The following HHEX variants were observed in gnomAD, a reference collection of about 807,000 sequenced individuals.
The protein encoded by HHEX is hematopoietically expressed homeobox, also known as hematopoietically-expressed homeobox protein HHEX.
In HHEX, 8 loss-of-function variants were observed where a neutral mutation model predicts 27.0. The ratio of observed to expected loss-of-function variants is 0.30; its 90% confidence interval spans 0.17 to 0.54. The LOEUF (loss-of-function observed/expected upper bound fraction) is 0.54. Ranked by LOEUF, HHEX falls within the 20% of genes least tolerant of loss-of-function variation. HHEX has a pLI of 0.95. For missense variants in HHEX, 326 were observed against 357.2 expected (o/e 0.91, Z 0.70); for synonymous variants, 164 against 161.5 (o/e 1.02, Z -0.12).
intron 3 of HHEX, among the ~76,000 whole-genome samples, chr10:92,693,700 A>G (rs1211969153): frequency 1.5e-5 from 2 of 136,930 alleles, no homozygotes; most frequent in African/African-American, 5.5e-5. Flanking sequence ...GACCGTGTGC[A>G]TCTATTTGTT....
At position 92,692,734 on chromosome 10, in the gene HHEX, A is replaced by G; in HGVS notation, c.573A>G (p.Lys191=). ...CCTGGTTTCAGAATCGACGCGCTAA[A>G]TGGAGGAGACTAAAACAGGTATGGA... The part of the protein sequence containing the change: ...VKTWFQNRRA[K]WRRLKQENPQ... Residue 191 remains lysine, a synonymous_variant, in exon 3 of 4, where the codon AAA becomes AAG. Transcript: ENST00000282728. 1.2e-6 allele frequency: 2 copies of G among 1,613,840 alleles called. No individual in the cohort carries two copies. Among genetic ancestry groups the G allele is most frequent in the South Asian group, 1.1e-5 (1 of 91,078 alleles).
chr10:92,690,696 G>T (rs1035948995), intron 1 of HHEX, among the ~76,000 whole-genome samples: 3 of 152,166 alleles, frequency 2.0e-5, no homozygotes, highest in Admixed American at 1.3e-4. Context: ...GTGGGGCAGG[G>T]ATCGCAGCCG....
In HHEX at chr10:92,692,551, G is replaced by A; in HGVS notation, c.540+5G>A. 6.2e-7 allele frequency: 1 copy of A among 1,613,374 alleles called. No homozygotes were observed. Among genetic ancestry groups the A allele is most frequent in the Non-Finnish European group, 8.5e-7 (1 of 1,179,604 alleles). On this transcript the variant is annotated splice_donor_5th_base_variant and intron_variant, in intron 2 of 3. Transcript: ENST00000282728. Reference sequence around the variant, plus strand: ...CTGCAGCTCAGCGAGAGACAGGTGAGCTCGCGGGGGGCCTGGGGCCGCCTC... The same window carrying A: ...CTGCAGCTCAGCGAGAGACAGGTGAACTCGCGGGGGGCCTGGGGCCGCCTC...
At chr10:92,691,303 C>T (rs1845352921) in intron 1 of HHEX, among the ~76,000 whole-genome samples, 1 of 152,122 alleles carries the variant, frequency 6.6e-6, no homozygotes, top group African/African-American at 2.4e-5. Context: ...GTGGGTGACC[C>T]TTGGCGCCTT....
intron 2 of HHEX, 73 bp downstream of exon 2, chr10:92,692,619 G>C: frequency 6.2e-7 from 1 of 1,604,348 alleles, no homozygotes; most frequent in African/African-American, 1.3e-5. Flanking sequence ...CCGGGCCACC[G>C]AGAGAGAGGC....
chr10:92,689,992 G>A lies in HHEX; in HGVS notation c.6G>A (p.Gln2=), dbSNP rs1845332671. ...GGCCGGAGCGCGGCGGAGCCATGCAGTACCCGCACCCCGGGCCGGCGGCGG... is the reference window on the plus strand; with the variant it reads ...GGCCGGAGCGCGGCGGAGCCATGCAATACCCGCACCCCGGGCCGGCGGCGG... The part of the protein sequence containing the change: M[Q]YPHPGPAAGA... The change falls in exon 1 of 4, where the codon CAG becomes CAA. Residue 2 remains glutamine (Q), a synonymous_variant. Transcript: ENST00000282728. The A allele has an allele frequency of 2.7e-6, 4 of 1,456,752 alleles. No homozygotes were observed. The highest frequency in any genetic ancestry group is 1.5e-5 in the African/African-American group (1 of 67,114). The allele number at this position is 1,456,752 out of a possible 1,614,324, so 90.2% of individuals were successfully genotyped here.
chr10:92,692,559 G>A lies in HHEX; in HGVS notation c.540+13G>A. On this transcript the variant is annotated intron_variant, in intron 2 of 3. Transcript: ENST00000282728. ...CAGCGAGAGACAGGTGAGCTCGCGGGGGGCCTGGGGCCGCCTCCGGGGAAG... is the reference window on the plus strand; with the variant it reads ...CAGCGAGAGACAGGTGAGCTCGCGGAGGGCCTGGGGCCGCCTCCGGGGAAG... The A allele has an allele frequency of 1.9e-6, 3 of 1,612,644 alleles. No homozygotes were observed. Among genetic ancestry groups the A allele is most frequent in the Non-Finnish European group, 2.5e-6 (3 of 1,179,178 alleles).
chr10:92,690,624 G>C (rs1845344363), intron 1 of HHEX, among the ~76,000 whole-genome samples: 1 of 152,156 alleles, frequency 6.6e-6, no homozygotes, highest in South Asian at 2.1e-4. Context: ...GTTACCCGGG[G>C]TGGGGCTCCC....
In HHEX at chr10:92,690,208, G is replaced by A; in HGVS notation, c.222G>A (p.Pro74=). The A allele has an allele frequency of 6.4e-7, 1 of 1,574,132 alleles. No individual in the cohort carries two copies. The highest frequency in any genetic ancestry group is 8.6e-7 in the Non-Finnish European group (1 of 1,160,908). Residue 74 remains proline, a synonymous_variant, in exon 1 of 4, where the codon CCG becomes CCA. Coordinates refer to ENST00000282728, the MANE Select transcript of HHEX (RefSeq NM_002729.5). ...PYRTPVYEPT[P]IHPAFSHHSA... is the part of the protein sequence containing the mutation. The stretch of plus-strand genomic sequence containing the variant: ...GGACCCCGGTGTACGAGCCCACGCC[G>A]ATCCATCCAGCCTTCTCGCACCACT...
At position 92,694,788 on chromosome 10, in the gene HHEX, G is replaced by A; in HGVS notation, c.*20G>A. On this transcript the variant is annotated 3_prime_UTR_variant, in exon 4 of 4. Coordinates refer to ENST00000282728, the MANE Select transcript of HHEX (RefSeq NM_002729.5). ...GGATGATGACCACTGGCATTGGCATGTTCAGAAAACTGGATTTAGGAATAA... is the reference window on the plus strand; with the variant it reads ...GGATGATGACCACTGGCATTGGCATATTCAGAAAACTGGATTTAGGAATAA... 1 of 1,546,842 alleles carries A rather than the reference G, an allele frequency of 6.5e-7. No individual in the cohort carries two copies. The highest frequency in any genetic ancestry group is 8.9e-7 in the Non-Finnish European group (1 of 1,120,684).
intron 1 of HHEX, among the ~76,000 whole-genome samples, chr10:92,690,965 A>G (rs1010935051): frequency 1.3e-5 from 2 of 152,060 alleles, no homozygotes; most frequent in African/African-American, 4.8e-5. Flanking sequence ...CGTTTTTCTG[A>G]TATTGTTCAT....
At position 92,690,081 on chromosome 10, in the gene HHEX, T is replaced by C; in HGVS notation, c.95T>C (p.Phe32Ser). 5 of 1,546,632 alleles carry C rather than the reference T, an allele frequency of 3.2e-6. No individual in the cohort carries two copies. The highest frequency in any genetic ancestry group is 4.4e-6 in the Non-Finnish European group (5 of 1,145,444). The stretch of plus-strand genomic sequence containing the variant: ...CTGCAACCCGCACACCCGACGCCCT[T>C]TTACATCGAGGACATCCTGGGCCGC... ...PLLQPAHPTP[F>S]YIEDILGRGP... Residue 32 changes from phenylalanine (F) to serine (S), a missense_variant, in exon 1 of 4, where the codon TTT becomes TCT. Phe to Ser is a radical substitution (Grantham distance 155). Around this residue, in one of 4 missense-constraint regions of HHEX, gnomAD observed 215 missense variants for 196.4 expected, o/e 1.09. Coordinates refer to ENST00000282728, the MANE Select transcript of HHEX (RefSeq NM_002729.5).
intron 3 of HHEX, among the ~76,000 whole-genome samples, chr10:92,693,632 C>T (rs1845377574): frequency 1.3e-5 from 2 of 152,096 alleles, no homozygotes; most frequent in South Asian, 4.1e-4. Flanking sequence ...AAATAAAATT[C>T]CCATAACTTC....
In HHEX at chr10:92,695,347, G is replaced by A. The variant is rs762044353; in HGVS notation, c.*579G>A. ...TGTTCTTTTTGTCAGAGATATGGTTGATGAGAATCTTAAATGCTTGTTTTG... is the reference window on the plus strand; with the variant it reads ...TGTTCTTTTTGTCAGAGATATGGTTAATGAGAATCTTAAATGCTTGTTTTG... On this transcript the variant is annotated 3_prime_UTR_variant, in exon 4 of 4. Transcript: ENST00000282728. 1 of 153,302 alleles carries A rather than the reference G, an allele frequency of 6.5e-6. No homozygotes were observed. The highest frequency in any genetic ancestry group is 1.5e-5 in the Non-Finnish European group (1 of 68,606). The allele number at this position is 153,302 out of a possible 1,614,324, so 9.5% of individuals were successfully genotyped here. A position where few individuals can be genotyped will look rare whatever the true frequency, so the allele number is the denominator to read the frequency against.
At chr10:92,690,621 G>T (rs924308784) in intron 1 of HHEX, among the ~76,000 whole-genome samples, 2 of 152,108 alleles carry the variant, frequency 1.3e-5, no homozygotes. Context: ...CGTGTTACCC[G>T]GGGTGGGGCT....
intron 1 of HHEX, 117 bp downstream of exon 1, chr10:92,690,464 A>C: frequency 8.0e-7 from 1 of 1,256,288 alleles, no homozygotes; most frequent in Non-Finnish European, 1.0e-6. Flanking sequence ...AAGCGATGGA[A>C]AAGCAGCTGT....
Position 92,692,767 on chromosome 10 carries a change from C to T in HHEX, c.591+15C>T, listed in dbSNP as rs1234035629. On this transcript the variant is annotated intron_variant, in intron 3 of 3. Coordinates refer to ENST00000282728, the MANE Select transcript of HHEX (RefSeq NM_002729.5). Reference sequence around the variant, plus strand: ...GACTAAAACAGGTATGGACATGGTTCTGTTTCTATGGAAATAAATATTTTT... The same window carrying T: ...GACTAAAACAGGTATGGACATGGTTTTGTTTCTATGGAAATAAATATTTTT... 5 of 1,602,550 alleles carry T rather than the reference C, an allele frequency of 3.1e-6. No individual in the cohort carries two copies. Among genetic ancestry groups the T allele is most frequent in the African/African-American group, 2.7e-5 (2 of 74,690 alleles).
intron 1 of HHEX, 121 bp from the exon 2 acceptor site, chr10:92,692,247 G>C: frequency 1.0e-6 from 1 of 965,116 alleles, no homozygotes; most frequent in Non-Finnish European, 1.6e-6. Flanking sequence ...GTGGGTGTAT[G>C]TGAATGTGTC....
In HHEX at chr10:92,689,996, C is replaced by T. The variant is rs1455869041; in HGVS notation, c.10C>T (p.Pro4Ser). ...GGAGCGCGGCGGAGCCATGCAGTAC[C>T]CGCACCCCGGGCCGGCGGCGGGCGC... MQY[P>S]HPGPAAGAVG... The change falls in exon 1 of 4, where the codon CCG becomes TCG. Residue 4 changes from proline (P) to serine (S), a missense_variant. Pro to Ser is a moderately conservative substitution (Grantham distance 74). Coordinates refer to ENST00000282728, the MANE Select transcript of HHEX (RefSeq NM_002729.5). 1.4e-6 allele frequency: 2 copies of T among 1,462,058 alleles called. No individual in the cohort carries two copies. The allele number at this position is 1,462,058 out of a possible 1,614,324, so 90.6% of individuals were successfully genotyped here.
Sources: gnomAD v4.1 joint callset for allele counts (sites outside exome capture counted in the v4.1 genomes callset) on GRCh38, gnomAD v4.1.1 for gene constraint, gnomAD v4.1.1 regional missense constraint, MANE v1.5 for transcripts, NCBI Gene and HGNC (gene_info 2026-07-23, HGNC 2026-07-21) for gene names.